The following MPP1 variants were observed in gnomAD, a reference collection of about 807,000 sequenced individuals.
The protein encoded by MPP1 is MAGUK p55 scaffold protein 1.
In MPP1, 6 loss-of-function variants were observed where a neutral mutation model predicts 38.2. That is an observed-to-expected ratio of 0.16 (90% CI 0.09 to 0.31). MPP1 has a LOEUF of 0.31. MPP1 is among the 10% of genes least tolerant of loss of function. The pLI is 1.00. For synonymous variants in MPP1, 153 were observed against 146.3 expected, an observed-to-expected ratio of 1.05 and a Z score of -0.33; for missense variants, 293 against 368.9, an observed-to-expected ratio of 0.79 and a Z score of 1.69.
intron 1 of MPP1, among the ~76,000 whole-genome samples, chrX:154,798,881 T>C (rs1353111632): frequency 9.0e-6 from 1 of 110,977 alleles, no homozygotes; most frequent in Admixed American, 9.5e-5. Flanking sequence ...ATTACAGGCA[T>C]GCACCACCAC....
chrX:154,792,840 G>A lies in MPP1; in HGVS notation c.103-555C>T, dbSNP rs1303651599. 3.6e-5 allele frequency among the ~76,000 whole-genome samples: 4 copies of A among 111,106 alleles called. No homozygotes were observed. In the East Asian group the frequency reaches 1.1e-3, roughly 31 times the overall value. ...AAAGAACTTCTACCTGTAGAATTAG[G>A]CACTTAGGACTGGGCCCCGAACCGC... On this transcript the variant is annotated intron_variant, in intron 1 of 11. Transcript: ENST00000369534.
At chrX:154,784,839 C>T (rs1382319873) in intron 7 of MPP1, 3 of 481,237 alleles carry the variant, frequency 6.2e-6, no homozygotes, top group South Asian at 2.6e-5. Context: ...GGTGTGGGCT[C>T]ACCACTAGTC....
chrX:154,802,798 G>T (rs2072281513), intron 1 of MPP1, among the ~76,000 whole-genome samples: 1 of 112,511 alleles, frequency 8.9e-6, no homozygotes. Flanking sequence ...ATTAAATGTG[G>T]ATTATAATTG....
At chrX:154,787,084 C>G (rs984914611) in intron 5 of MPP1, among the ~76,000 whole-genome samples, 10 of 86,102 alleles carry the variant, frequency 1.2e-4, no homozygotes, top group Non-Finnish European at 2.3e-4. Flanking sequence ...ATTGAAAATT[C>G]TCCTCTCCTG....
chrX:154,799,936 G>A (rs1332924172), intron 1 of MPP1: 4 of 1,092,409 alleles, frequency 3.7e-6, no homozygotes, highest in Admixed American at 2.8e-5. Flanking sequence ...GGCGGGGGGC[G>A]GGCGGTGGCG....
At position 154,783,457 on chromosome X, in the gene MPP1, T is replaced by C. The variant is rs1557266855; in HGVS notation, c.916A>G (p.Asn306Asp). Residue 306 changes from asparagine (N) to aspartate (D), a missense_variant, in exon 9 of 12, where the codon AAT (asparagine) becomes GAT (aspartate). By Grantham distance (23) the Asn-to-Asp change is conservative. Transcript: ENST00000369534. ...SHIKNALLSQNPEKFVYPVPY... is the reference protein window; with the variant it reads ...SHIKNALLSQDPEKFVYPVPY... ...ACAGGGTACACAAACTTCTCCGGAT[T>C]CTGGCTGAGCAGGGCATTCTTAATG... is the stretch of plus-strand genomic sequence containing the variant. 1 of 1,210,633 alleles carries C rather than the reference T, an allele frequency of 8.3e-7. No homozygotes were observed.
At chrX:154,805,179 GC>G (rs1557269028) in intron 1 of MPP1, 92 bp downstream of exon 1, 10 of 889,792 alleles carry the variant, frequency 1.1e-5, no homozygotes, top group African/African-American at 7.9e-5. Flanking sequence ...GCAAGGACAG[GC>G]CCCCCGGGGA....
intron 5 of MPP1, among the ~76,000 whole-genome samples, chrX:154,789,187 C>T (rs1428851749): frequency 1.8e-5 from 2 of 112,254 alleles, no homozygotes; most frequent in African/African-American, 6.5e-5. Flanking sequence ...ATTATACCGT[C>T]ACACTACAAG....
At chrX:154,800,057 C>A (rs1333778532) in intron 1 of MPP1, among the ~76,000 whole-genome samples, 1 of 112,181 alleles carries the variant, frequency 8.9e-6, no homozygotes, top group Non-Finnish European at 1.9e-5. Flanking sequence ...CTGTTAGGCT[C>A]TTTGCCAACT....
At chrX:154,801,787 C>CAAA (rs782548268) in intron 1 of MPP1, among the ~76,000 whole-genome samples, 3 of 67,085 alleles carry the variant, frequency 4.5e-5, no homozygotes, top group South Asian at 9.3e-4. Flanking sequence ...AAAAAAAAAA[C>CAAA]AAAAAACAGA....
intron 3 of MPP1, 147 bp from the exon 4 acceptor site, chrX:154,791,215 T>A: frequency 1.9e-6 from 1 of 517,015 alleles, no homozygotes; most frequent in Non-Finnish European, 3.2e-6. Context: ...TGAAAACATT[T>A]GACTTGACAG....
intron 1 of MPP1, among the ~76,000 whole-genome samples, chrX:154,795,727 T>C (rs1557268103): frequency 1.8e-5 from 2 of 111,705 alleles, no homozygotes; most frequent in Non-Finnish European, 3.8e-5. Context: ...ATTACACCAC[T>C]GCACTCTAGC....
chrX:154,787,891 A>G (rs1310580615), intron 5 of MPP1, among the ~76,000 whole-genome samples: 2 of 112,791 alleles, frequency 1.8e-5, no homozygotes, highest in African/African-American at 6.4e-5. Context: ...AGGGATAAAC[A>G]AACAGTCCAA....
At chrX:154,803,562 C>A (rs782289967) in intron 1 of MPP1, among the ~76,000 whole-genome samples, 19 of 111,915 alleles carry the variant, frequency 1.7e-4, no homozygotes, top group Non-Finnish European at 3.0e-4. Context: ...ACATAAGAAC[C>A]CCGACACAAA....
rs943891796 is a variant in MPP1, at chrX:154,799,938, G to A, written c.102+5334C>T. On this transcript the variant is annotated intron_variant, in intron 1 of 11. Coordinates refer to ENST00000369534, the MANE Select transcript of MPP1 (RefSeq NM_002436.4). ...GAAAAACAAACTTGGCGGGGGGCGG[G>A]CGGTGGCGGGGGTGAATAGAGCAGG... 29 of 1,091,011 alleles carry A rather than the reference G, an allele frequency of 2.7e-5. No homozygotes were observed. The African/African-American group carries it at 4.6e-4, about 17-fold the overall frequency. The allele number at this position is 1,091,011 out of a possible 1,213,427, so 89.9% of individuals were successfully genotyped here.
chrX:154,784,142 C>A (rs1557266945), intron 7 of MPP1, 34 bp from the exon 8 acceptor site: 2 of 1,113,440 alleles, frequency 1.8e-6, no homozygotes, highest in Admixed American at 4.6e-5. Flanking sequence ...GTGTTCATTT[C>A]CAGAGCTAGG....
In MPP1 at chrX:154,805,448, G is replaced by T. The variant is rs1018720134; in HGVS notation, c.-75C>A. 4 of 990,372 alleles carry T rather than the reference G, an allele frequency of 4.0e-6. No homozygotes were observed. Among genetic ancestry groups the T allele is most frequent in the Non-Finnish European group, 4.2e-6 (3 of 722,212 alleles). 81.6% of individuals were successfully genotyped at this position (990,372 alleles called of 1,213,427 possible). A position where few individuals can be genotyped will look rare whatever the true frequency, so the allele number is the denominator to read the frequency against. ...GACAGGGCCCGGGGCCTGCGGGGCT[G>T]CGGAGAAGGCGGGAGACGCGGTGCG... On this transcript the variant is annotated 5_prime_UTR_variant, in exon 1 of 12. Coordinates refer to ENST00000369534, the MANE Select transcript of MPP1 (RefSeq NM_002436.4).
intron 10 of MPP1, 92 bp downstream of exon 10, chrX:154,781,508 C>A: frequency 9.9e-7 from 1 of 1,008,527 alleles, no homozygotes; most frequent in Non-Finnish European, 1.4e-6. Flanking sequence ...CTGAAGCAAT[C>A]CTGAGCCCCC....
intron 9 of MPP1, chrX:154,782,222 T>A: frequency 7.8e-6 from 1 of 127,477 alleles, no homozygotes; most frequent in African/African-American, 3.2e-5. Context: ...TACTTTGGTT[T>A]AGTTTCAGCT....
Sources: allele counts gnomAD v4.1 joint callset (sites outside exome capture counted in the v4.1 genomes callset), GRCh38; gene constraint gnomAD v4.1.1; transcripts MANE v1.5; gene names NCBI Gene and HGNC (gene_info 2026-07-23, HGNC 2026-07-21).